COL24A1: variants seen among roughly 807,000 people sequenced by gnomAD.
COL24A1 encodes collagen alpha-1(XXIV) chain.
Under a neutral mutation model 253.9 loss-of-function variants are expected in COL24A1, and 224 were observed. That is an observed-to-expected ratio of 0.88 (90% CI 0.79 to 0.99). The LOEUF (loss-of-function observed/expected upper bound fraction) is 0.99. COL24A1 is among the 50% of genes least tolerant of loss of function. The pLI is 0.00. For missense variants in COL24A1, 2,131 were observed against 2,068.5 expected (o/e 1.03, Z -0.59); for synonymous variants, 685 against 673.7 (o/e 1.02, Z -0.26).
chr1:85,944,741 C>G (rs1689091488), intron 24 of COL24A1, among the ~76,000 whole-genome samples: 1 of 152,050 alleles, frequency 6.6e-6, no homozygotes, highest in Admixed American at 6.6e-5. Context: ...AATGCTATCC[C>G]TCCCCCATTC....
intron 8 of COL24A1, among the ~76,000 whole-genome samples, chr1:86,060,353 A>G (rs996597291): frequency 6.6e-6 from 1 of 152,104 alleles, no homozygotes; most frequent in African/African-American, 2.4e-5. Context: ...TAGATTTCTT[A>G]TTTATCACCT....
intron 42 of COL24A1, among the ~76,000 whole-genome samples, chr1:85,840,305 G>C (rs990231822): frequency 6.6e-6 from 1 of 152,040 alleles, no homozygotes; most frequent in African/African-American, 2.4e-5. Context: ...TAGTGGTTTA[G>C]AGAGACTAGA....
intron 24 of COL24A1, among the ~76,000 whole-genome samples, chr1:85,926,657 G>A (rs1165827372): frequency 2.6e-5 from 4 of 151,976 alleles, no homozygotes; most frequent in Non-Finnish European, 4.4e-5. Context: ...TCACACACGG[G>A]GGCCTGTCAT....
At chr1:85,896,230 A>G (rs908660825) in intron 29 of COL24A1, 126 bp downstream of exon 29, 1 of 1,192,082 alleles carries the variant, frequency 8.4e-7, no homozygotes, top group Non-Finnish European at 1.2e-6. Context: ...TATGCGTTTC[A>G]TACTTAGACA....
chr1:86,140,097 T>C (rs1650853963), intron 2 of COL24A1, among the ~76,000 whole-genome samples: 2 of 152,218 alleles, frequency 1.3e-5, no homozygotes, highest in East Asian at 3.8e-4. Context: ...AGTTATTGTA[T>C]CCTTATGTAA....
At chr1:86,146,549 TGTTAA>T (rs1158685564) in intron 1 of COL24A1, among the ~76,000 whole-genome samples, 1 of 151,586 alleles carries the variant, frequency 6.6e-6, no homozygotes, top group East Asian at 1.9e-4. Flanking sequence ...TCATATATTA[TGTTAA>T]ATTACCATAT....
At chr1:85,741,718 A>G (rs1664665046) in intron 57 of COL24A1, among the ~76,000 whole-genome samples, 1 of 152,132 alleles carries the variant, frequency 6.6e-6, no homozygotes, top group African/African-American at 2.4e-5. Flanking sequence ...GCTGTTTGTT[A>G]TTTATTTTAT....
At chr1:85,882,855 C>T (rs1682023301) in intron 32 of COL24A1, among the ~76,000 whole-genome samples, 1 of 152,190 alleles carries the variant, frequency 6.6e-6, no homozygotes, top group Admixed American at 6.5e-5. Context: ...TGCACCATGT[C>T]TCTCTTTACC....
At chr1:86,118,666 G>C (rs1054005531) in intron 3 of COL24A1, among the ~76,000 whole-genome samples, 1 of 152,090 alleles carries the variant, frequency 6.6e-6, no homozygotes, top group East Asian at 1.9e-4. Context: ...TAGTGACATG[G>C]AGGAAAAGAA....
At chr1:85,772,663 G>A (rs971387876) in intron 53 of COL24A1, among the ~76,000 whole-genome samples, 1 of 152,068 alleles carries the variant, frequency 6.6e-6, no homozygotes, top group Non-Finnish European at 1.5e-5. Flanking sequence ...CTGCATAAAT[G>A]TCTTCTTTTG....
chr1:85,755,557 C>A (rs1241827148), intron 55 of COL24A1, among the ~76,000 whole-genome samples: 2 of 151,884 alleles, frequency 1.3e-5, no homozygotes, highest in East Asian at 1.9e-4. Flanking sequence ...AATAGAGAGT[C>A]CAGAAATAAA....
At position 85,896,216 on chromosome 1, in the gene COL24A1, AC is replaced by A. The variant is rs967650715; in HGVS notation, c.2832+139del. On this transcript the variant is annotated intron_variant, in intron 29 of 59. Coordinates refer to ENST00000370571, the MANE Select transcript of COL24A1 (RefSeq NM_152890.7). ...AAACATCTCTGCCTGTGTAGTAAAA[AC>A]TTTATGCGTTTCATACTTAGACAAA... The A allele has an allele frequency of 1.1e-5, 13 of 1,167,252 alleles. No individual in the cohort carries two copies. In the African/African-American group the frequency reaches 1.4e-4, roughly 13 times the overall value. The allele number at this position is 1,167,252 out of a possible 1,614,324, so 72.3% of individuals were successfully genotyped here.
rs11161722 is a variant in COL24A1, at chr1:86,026,899, G to A, written c.2050-3892C>T. 1.7e-3 allele frequency among the ~76,000 whole-genome samples: 263 copies of A among 152,220 alleles called. 1 individual carries two copies. The highest frequency in any genetic ancestry group is 6.1e-3 in the African/African-American group (252 of 41,548). On this transcript the variant is annotated intron_variant, in intron 14 of 59. Transcript: ENST00000370571. ...TTTGGACAATGAAGTCCAAGCTGAG[G>A]TGGTCTCAGGGTAAGATGAAAAACT... is the stretch of plus-strand genomic sequence containing the variant.
At chr1:85,793,851 G>C (rs968081640) in intron 47 of COL24A1, among the ~76,000 whole-genome samples, 19 of 152,002 alleles carry the variant, frequency 1.2e-4, no homozygotes, top group Non-Finnish European at 1.9e-4. Context: ...GGTCTCTAAT[G>C]GGGATATGAC....
At chr1:86,087,336 T>C (rs1703135084) in intron 7 of COL24A1, among the ~76,000 whole-genome samples, 1 of 152,198 alleles carries the variant, frequency 6.6e-6, no homozygotes, top group Non-Finnish European at 1.5e-5. Flanking sequence ...AAAATACTGA[T>C]GGGCCATATA....
intron 2 of COL24A1, among the ~76,000 whole-genome samples, chr1:86,139,768 ACT>A (rs963286268): frequency 1.3e-5 from 2 of 152,170 alleles, no homozygotes; most frequent in Non-Finnish European, 2.9e-5. Context: ...AACAAATATG[ACT>A]GTTTAAAATA....
chr1:85,747,651 T>C (rs1273133962), intron 55 of COL24A1, among the ~76,000 whole-genome samples: 1 of 152,176 alleles, frequency 6.6e-6, no homozygotes, highest in East Asian at 1.9e-4. Context: ...TGTTTTTGTA[T>C]TCAATTAGTT....
At chr1:85,766,693 A>G (rs1249465004) in intron 53 of COL24A1, among the ~76,000 whole-genome samples, 1 of 152,162 alleles carries the variant, frequency 6.6e-6, no homozygotes, top group African/African-American at 2.4e-5. Flanking sequence ...GCATTTTTTT[A>G]AAGTCACTGA....
intron 55 of COL24A1, 85 bp from the exon 56 acceptor site, chr1:85,745,591 G>A (rs1665128379): frequency 4.3e-6 from 4 of 935,442 alleles, no homozygotes; most frequent in Non-Finnish European, 6.6e-6. Flanking sequence ...TGAAAGCACT[G>A]CTGTTAAAGT....
Sources: gnomAD v4.1 joint callset for allele counts (sites outside exome capture counted in the v4.1 genomes callset) on GRCh38, gnomAD v4.1.1 for gene constraint, MANE v1.5 for transcripts, NCBI Gene and HGNC (gene_info 2026-07-23, HGNC 2026-07-21) for gene names.